LUZP2: variants seen among roughly 807,000 people sequenced by gnomAD.
LUZP2 encodes leucine zipper protein 2.
LUZP2 carries 52 observed loss-of-function variants against 51.6 expected under a neutral mutation model. That is an observed-to-expected ratio of 1.01 (90% CI 0.81 to 1.27). The LOEUF (loss-of-function observed/expected upper bound fraction) is 1.27, where lower values mean the gene tolerates loss of function less well. LUZP2 is among the 50% of genes most tolerant of loss of function. LUZP2 has a pLI of 0.00. For synonymous variants in LUZP2, 154 were observed against 137.3 expected, an observed-to-expected ratio of 1.12 and a Z score of -0.85; for missense variants, 436 against 395.4, an observed-to-expected ratio of 1.10 and a Z score of -0.87.
intron 5 of LUZP2, among the ~76,000 whole-genome samples, chr11:24,816,801 A>G (rs1850196071): frequency 6.6e-6 from 1 of 152,136 alleles, no homozygotes; most frequent in Non-Finnish European, 1.5e-5. Flanking sequence ...ATGACAAGTG[A>G]CATATAAGAC....
chr11:24,525,983 G>A (rs1850787468), intron 1 of LUZP2, among the ~76,000 whole-genome samples: 1 of 151,326 alleles, frequency 6.6e-6, no homozygotes, highest in Non-Finnish European at 1.5e-5. Flanking sequence ...TATAATCCAT[G>A]ATTTTAGTGA....
At chr11:24,703,330 G>A (rs1857471929) in intron 1 of LUZP2, among the ~76,000 whole-genome samples, 1 of 152,064 alleles carries the variant, frequency 6.6e-6, no homozygotes, top group South Asian at 2.1e-4. Context: ...GGGTGGTCTG[G>A]GTAGACTCTT....
chr11:24,572,275 G>T (rs897540571), intron 1 of LUZP2, among the ~76,000 whole-genome samples: 2 of 151,860 alleles, frequency 1.3e-5, no homozygotes, highest in African/African-American at 4.8e-5. Context: ...ATTTATTTAA[G>T]ATATAATCTA....
intron 9 of LUZP2, among the ~76,000 whole-genome samples, chr11:25,037,506 G>A (rs753710864): frequency 6.6e-6 from 1 of 152,064 alleles, no homozygotes; most frequent in Non-Finnish European, 1.5e-5. Context: ...TGTGTTGTTA[G>A]CTGGTTGTCA....
At chr11:24,687,864 A>T (rs1204716215) in intron 1 of LUZP2, among the ~76,000 whole-genome samples, 2 of 152,082 alleles carry the variant, frequency 1.3e-5, no homozygotes, top group African/African-American at 2.4e-5. Context: ...GCATTAACAT[A>T]TTTTTTTCAA....
intron 1 of LUZP2, among the ~76,000 whole-genome samples, chr11:24,513,096 C>A (rs1196171205): frequency 6.6e-6 from 1 of 152,076 alleles, no homozygotes; most frequent in African/African-American, 2.4e-5. Context: ...TCCTTTCAGT[C>A]TCTGTTTTTT....
chr11:24,569,209 T>A (rs1852345816), intron 1 of LUZP2, among the ~76,000 whole-genome samples: 1 of 152,074 alleles, frequency 6.6e-6, no homozygotes, highest in Non-Finnish European at 1.5e-5. Context: ...TCTGCATTTG[T>A]ATCTACATCT....
chr11:24,659,293 C>A (rs1173981314), intron 1 of LUZP2, among the ~76,000 whole-genome samples: 1 of 152,026 alleles, frequency 6.6e-6, no homozygotes, highest in Non-Finnish European at 1.5e-5. Context: ...AAGCTGGAAA[C>A]CATCATTCTC....
chr11:24,913,582 C>T (rs11028271), intron 6 of LUZP2, among the ~76,000 whole-genome samples: 9,972 of 151,788 alleles, frequency 0.066, 397 homozygotes, highest in Middle Eastern at 0.11. Context: ...TGTCAGTTTC[C>T]CCAAATGATG....
intron 5 of LUZP2, among the ~76,000 whole-genome samples, chr11:24,775,627 A>G (rs532960312): frequency 6.6e-6 from 1 of 152,238 alleles, no homozygotes; most frequent in African/African-American, 2.4e-5. Flanking sequence ...GCTTTTATCA[A>G]TTAATTTCAC....
chr11:24,562,526 A>G lies in LUZP2; in HGVS notation c.62+65221A>G, dbSNP rs563867055. 2.0e-5 allele frequency among the ~76,000 whole-genome samples: 3 copies of G among 152,076 alleles called. No homozygotes were observed. The South Asian group carries it at 6.2e-4, about 32-fold the overall frequency. ...AGAATTTCGAGATAGATGTAAGTCT[A>G]TCAGGGTAAGGACCCATTAAATAGG... On this transcript the variant is annotated intron_variant, in intron 1 of 11. Coordinates refer to ENST00000336930, the MANE Select transcript of LUZP2 (RefSeq NM_001009909.4).
chr11:24,527,550 ATCTCTCTC>A (rs144689201), intron 1 of LUZP2, among the ~76,000 whole-genome samples: 4 of 140,080 alleles, frequency 2.9e-5, no homozygotes, highest in African/African-American at 1.0e-4. Flanking sequence ...TTAAATAAGA[ATCTCTCTC>A]TCTCTCTCTC....
chr11:24,844,482 C>A (rs1221842384), intron 5 of LUZP2, among the ~76,000 whole-genome samples: 1 of 152,062 alleles, frequency 6.6e-6, no homozygotes, highest in Non-Finnish European at 1.5e-5. Flanking sequence ...TGCACCCTGA[C>A]AATACAATAG....
intron 10 of LUZP2, among the ~76,000 whole-genome samples, chr11:25,076,217 T>C (rs1300084242): frequency 2.0e-5 from 3 of 151,922 alleles, no homozygotes; most frequent in Non-Finnish European, 4.4e-5. Context: ...CGTTTTTGTT[T>C]TTGTTTTTGT....
intron 5 of LUZP2, among the ~76,000 whole-genome samples, chr11:24,859,964 C>G (rs1394562652): frequency 3.3e-5 from 5 of 152,254 alleles, no homozygotes; most frequent in African/African-American, 1.2e-4. Context: ...CAAGAAATAG[C>G]TGCAGCCACC....
At position 24,962,497 on chromosome 11, in the gene LUZP2, T is replaced by C. The variant is rs1855443904; in HGVS notation, c.523-14094T>C. ...TCTTTTTTCTCTAAACTTCCCTTCT[T>C]GCTTCACTTCATTCATTTCATCTTC... On this transcript the variant is annotated intron_variant, in intron 7 of 11. Transcript: ENST00000336930. Among the ~76,000 whole-genome samples the C allele has an allele frequency of 2.0e-5, 3 of 152,156 alleles. 1 individual carries two copies. In the South Asian group the frequency reaches 6.2e-4, roughly 32 times the overall value.
At position 24,711,404 on chromosome 11, in the gene LUZP2, G is replaced by T. The variant is rs527516503; in HGVS notation, c.63-17765G>T. ...GGCGGAGCTTGCAGTGAGCCGAGAT[G>T]GTGTCACTGCACTCCAGCCTGGGCG... On this transcript the variant is annotated intron_variant, in intron 1 of 11. Transcript: ENST00000336930. 1.2e-4 allele frequency among the ~76,000 whole-genome samples: 18 copies of T among 151,704 alleles called. 1 individual carries two copies. In the South Asian group the frequency reaches 3.3e-3, roughly 28 times the overall value.
intron 1 of LUZP2, among the ~76,000 whole-genome samples, chr11:24,654,617 C>T (rs1225874994): frequency 6.6e-6 from 1 of 151,982 alleles, no homozygotes; most frequent in Non-Finnish European, 1.5e-5. Context: ...ATTCTCCTGC[C>T]TCAGCACTCC....
chr11:24,832,814 C>G lies in LUZP2; in HGVS notation c.396+69506C>G, dbSNP rs371039297. 3.3e-5 allele frequency among the ~76,000 whole-genome samples: 5 copies of G among 152,014 alleles called. No homozygotes were observed. In the East Asian group the frequency reaches 9.7e-4, roughly 29 times the overall value. On this transcript the variant is annotated intron_variant, in intron 5 of 11. Coordinates refer to ENST00000336930, the MANE Select transcript of LUZP2 (RefSeq NM_001009909.4). ...GAAGACAACATTTAATGAAATATAT[C>G]TTTTATTTCATGTTTTTATTCTAAA... is the stretch of plus-strand genomic sequence containing the variant.
Sources: gnomAD v4.1 joint callset for allele counts (sites outside exome capture counted in the v4.1 genomes callset) on GRCh38, gnomAD v4.1.1 for gene constraint, MANE v1.5 for transcripts, NCBI Gene and HGNC (gene_info 2026-07-23, HGNC 2026-07-21) for gene names.